RFX3: variants seen among roughly 807,000 people sequenced by gnomAD.
The protein encoded by RFX3 is regulatory factor X3.
A neutral mutation model predicts 98.6 loss-of-function variants in RFX3; 14 were observed. The observed-to-expected ratio is 0.14, with a 90% CI of 0.09 to 0.22. The LOEUF (loss-of-function observed/expected upper bound fraction) is 0.22. Ranked by LOEUF, RFX3 falls within the 10% of genes least tolerant of loss-of-function variation. The probability of loss-of-function intolerance (pLI) is 1.00; values close to 1 mark genes in which losing one functional copy is unlikely to be tolerated. For missense variants in RFX3, 639 were observed against 926.9 expected (o/e 0.69, Z 4.03); for synonymous variants, 383 against 328.4 (o/e 1.17, Z -1.80).
At chr9:3,243,372 T>A (rs1820215685) in intron 15 of RFX3, among the ~76,000 whole-genome samples, 1 of 151,870 alleles carries the variant, frequency 6.6e-6, no homozygotes, top group Non-Finnish European at 1.5e-5. Flanking sequence ...TTAAATAATT[T>A]ACTAGGCAGT....
At chr9:3,279,719 T>C (rs1048826760) in intron 7 of RFX3, among the ~76,000 whole-genome samples, 1 of 151,828 alleles carries the variant, frequency 6.6e-6, no homozygotes, top group Non-Finnish European at 1.5e-5. Context: ...ACAAGCAAAA[T>C]TGTCTGCTTC....
intron 1 of RFX3, among the ~76,000 whole-genome samples, chr9:3,479,482 G>T (rs189444167): frequency 6.6e-6 from 1 of 152,178 alleles, no homozygotes; most frequent in East Asian, 1.9e-4. Context: ...AAAAAAATCT[G>T]TATTTCAGTA....
intron 4 of RFX3, among the ~76,000 whole-genome samples, chr9:3,308,559 G>T (rs1414627566): frequency 6.6e-6 from 1 of 152,110 alleles, no homozygotes; most frequent in East Asian, 1.9e-4. Context: ...CACATTACAT[G>T]CCAATTTACA....
At chr9:3,513,323 A>G (rs75275619) in intron 1 of RFX3, among the ~76,000 whole-genome samples, 3,409 of 152,242 alleles carry the variant, frequency 0.022, 103 homozygotes, top group African/African-American at 0.06. Flanking sequence ...ACTGGGATTC[A>G]TATTTAGTCC....
At chr9:3,333,780 T>TC (rs1373214762) in intron 3 of RFX3, among the ~76,000 whole-genome samples, 2 of 152,148 alleles carry the variant, frequency 1.3e-5, no homozygotes, top group African/African-American at 2.4e-5. Context: ...CTTTTCATCA[T>TC]CCAAGCAGGA....
intron 2 of RFX3, among the ~76,000 whole-genome samples, chr9:3,363,298 G>A (rs1003934097): frequency 1.3e-5 from 2 of 152,124 alleles, no homozygotes; most frequent in African/African-American, 4.8e-5. Context: ...AATGTATGCA[G>A]CACATCAAAA....
At chr9:3,236,049 T>C (rs953371881) in intron 15 of RFX3, among the ~76,000 whole-genome samples, 1 of 152,208 alleles carries the variant, frequency 6.6e-6, no homozygotes, top group Non-Finnish European at 1.5e-5. Context: ...CCAACCCGAT[T>C]AAGCTATTTG....
chr9:3,467,087 T>G (rs1848315259), intron 1 of RFX3, among the ~76,000 whole-genome samples: 1 of 141,628 alleles, frequency 7.1e-6, no homozygotes, highest in Non-Finnish European at 1.5e-5. Flanking sequence ...TGTATATACA[T>G]ACATATATGT....
At chr9:3,346,170 C>T (rs1399366894) in intron 3 of RFX3, among the ~76,000 whole-genome samples, 2 of 152,068 alleles carry the variant, frequency 1.3e-5, no homozygotes, top group African/African-American at 4.8e-5. Context: ...AAGCTGGTTT[C>T]GGGCAGGGGG....
intron 3 of RFX3, among the ~76,000 whole-genome samples, chr9:3,345,432 G>A (rs1834348478): frequency 6.6e-6 from 1 of 152,130 alleles, no homozygotes. Flanking sequence ...GGTAATGGAG[G>A]TAGTGTTAGG....
chr9:3,250,884 C>G (rs992156891), intron 14 of RFX3, among the ~76,000 whole-genome samples: 1 of 151,996 alleles, frequency 6.6e-6, no homozygotes, highest in Non-Finnish European at 1.5e-5. Context: ...ATTCCTACCC[C>G]CAAGTGAATT....
chr9:3,525,140 G>A (rs1017296525), intron 1 of RFX3, among the ~76,000 whole-genome samples: 1 of 151,988 alleles, frequency 6.6e-6, no homozygotes, highest in Non-Finnish European at 1.5e-5. Flanking sequence ...CAGGCAAAGA[G>A]GGGCAAAAAT....
intron 1 of RFX3, chr9:3,489,038 T>G: frequency 3.4e-6 from 1 of 295,404 alleles, no homozygotes; most frequent in Non-Finnish European, 5.0e-6. Context: ...GTGTAGTATT[T>G]AAAGATAAAT....
intron 4 of RFX3, among the ~76,000 whole-genome samples, chr9:3,315,456 T>G (rs1205799452): frequency 1.3e-5 from 2 of 151,982 alleles, no homozygotes; most frequent in East Asian, 1.9e-4. Context: ...ACATCACAAT[T>G]AAAAGAACTA....
At chr9:3,493,034 A>ATAG (rs937182938) in intron 1 of RFX3, among the ~76,000 whole-genome samples, 2 of 152,110 alleles carry the variant, frequency 1.3e-5, no homozygotes, top group Admixed American at 6.6e-5. Flanking sequence ...TATTATTATT[A>ATAG]TAGTAGTAGT....
At chr9:3,439,751 G>C (rs1161762708) in intron 1 of RFX3, among the ~76,000 whole-genome samples, 3 of 151,908 alleles carry the variant, frequency 2.0e-5, no homozygotes, top group East Asian at 1.9e-4. Flanking sequence ...ATACACTGCA[G>C]AGGAGAGAAT....
intron 1 of RFX3, among the ~76,000 whole-genome samples, chr9:3,466,883 T>G (rs768189150): frequency 4.6e-5 from 7 of 151,488 alleles, no homozygotes; most frequent in Non-Finnish European, 8.8e-5. Context: ...TTACAAATAC[T>G]TATCATTTTC....
At position 3,339,662 on chromosome 9, in the gene RFX3, A is replaced by G. The variant is rs1372793561; in HGVS notation, c.215+7005T>C. On this transcript the variant is annotated intron_variant, in intron 3 of 16. Coordinates refer to ENST00000617270, the MANE Select transcript of RFX3 (RefSeq NM_001282116.2). Reference sequence around the variant, plus strand: ...GTATTAGACAGAGAACAGGATGCAAACAAACCAGGTCCCCGCCCACATGAA... The same window carrying G: ...GTATTAGACAGAGAACAGGATGCAAGCAAACCAGGTCCCCGCCCACATGAA... Among the ~76,000 whole-genome samples the G allele has an allele frequency of 2.0e-5, 3 of 152,226 alleles. 1 individual carries two copies. In the South Asian group the frequency reaches 6.2e-4, roughly 32 times the overall value.
At position 3,409,068 on chromosome 9, in the gene RFX3, T is replaced by C. The variant is rs1233503905; in HGVS notation, c.-8-13472A>G. Among the ~76,000 whole-genome samples, 3 of 152,230 alleles carry C rather than the reference T, an allele frequency of 2.0e-5. No homozygotes were observed. In the East Asian group the frequency reaches 5.8e-4, roughly 29 times the overall value. ...AAGTTGATGGTTCAAGCTTTTAATT[T>C]ACGTGAAAGTAAATACTGTTGTAAT... On this transcript the variant is annotated intron_variant, in intron 1 of 16. Coordinates refer to ENST00000617270, the MANE Select transcript of RFX3 (RefSeq NM_001282116.2).
Sources: allele counts gnomAD v4.1 joint callset (sites outside exome capture counted in the v4.1 genomes callset), GRCh38; gene constraint gnomAD v4.1.1; transcripts MANE v1.5; gene names NCBI Gene and HGNC (gene_info 2026-07-23, HGNC 2026-07-21).